C14orf132: variants seen among roughly 807,000 people sequenced by gnomAD.
C14orf132 encodes the protein uncharacterized protein C14orf132.
A neutral mutation model predicts 5.8 loss-of-function variants in C14orf132; 6 were observed. That is an observed-to-expected ratio of 1.03 (90% CI 0.57 to 2.04). The LOEUF is 2.04. C14orf132 is among the 30% of genes most tolerant of loss of function. The pLI is 0.00. For missense variants in C14orf132, 125 were observed against 115.8 expected (o/e 1.08, Z -0.37); for synonymous variants, 51 against 49.8 (o/e 1.02, Z -0.10).
In C14orf132 at chr14:96,076,698, A is replaced by G. The variant is rs1595187836; in HGVS notation, c.28-9813A>G. ...TGGGCCACATTCTGTCCTGGGATGC[A>G]TGCAGCCCGTGGGTTGTGGGTTGGA... On this transcript the variant is annotated intron_variant, in intron 1 of 1. Coordinates refer to ENST00000555004, the MANE Select transcript of C14orf132 (RefSeq NM_001252507.3). 2.0e-5 allele frequency among the ~76,000 whole-genome samples: 3 copies of G among 152,356 alleles called. No homozygotes were observed. The South Asian group carries it at 6.2e-4, about 32-fold the overall frequency.
intron 1 of C14orf132, among the ~76,000 whole-genome samples, chr14:96,045,447 G>T (rs1263044505): frequency 6.6e-6 from 1 of 152,202 alleles, no homozygotes; most frequent in Admixed American, 6.5e-5. Context: ...GGGTCAGGTG[G>T]TGAGGGGGTG....
At chr14:96,062,502 G>T (rs909693633) in intron 1 of C14orf132, among the ~76,000 whole-genome samples, 1 of 152,168 alleles carries the variant, frequency 6.6e-6, no homozygotes, top group African/African-American at 2.4e-5. Flanking sequence ...CTGACATGGA[G>T]ATTGCAGCCC....
At chr14:96,043,132 T>C (rs566984426) in intron 1 of C14orf132, among the ~76,000 whole-genome samples, 1 of 152,162 alleles carries the variant, frequency 6.6e-6, no homozygotes, top group South Asian at 2.1e-4. Context: ...TCTGGGACTG[T>C]CCTTGGTGAA....
chr14:96,085,059 AG>A (rs1371597433), intron 1 of C14orf132, among the ~76,000 whole-genome samples: 1 of 152,226 alleles, frequency 6.6e-6, no homozygotes, highest in African/African-American at 2.4e-5. Context: ...GCTCACAGTC[AG>A]ACACTCGTGG....
At chr14:96,084,842 G>A (rs981956085) in intron 1 of C14orf132, among the ~76,000 whole-genome samples, 4 of 152,128 alleles carry the variant, frequency 2.6e-5, no homozygotes, top group Admixed American at 1.3e-4. Context: ...GGTGCCGAGT[G>A]CCTCCTGGCA....
At chr14:96,053,280 G>C (rs147158017) in intron 1 of C14orf132, among the ~76,000 whole-genome samples, 62 of 152,308 alleles carry the variant, frequency 4.1e-4, no homozygotes, top group Non-Finnish European at 8.1e-4. Flanking sequence ...GCCAGACACC[G>C]TTCTAGGCAC....
chr14:96,079,697 G>A (rs755580424), intron 1 of C14orf132, among the ~76,000 whole-genome samples: 4 of 151,998 alleles, frequency 2.6e-5, no homozygotes, highest in Non-Finnish European at 4.4e-5. Flanking sequence ...ATTTAGTGAT[G>A]AGAGAAATTA....
Position 96,093,706 on chromosome 14 carries a change from C to A in C14orf132, c.*6971C>A, listed in dbSNP as rs1246510652. 1 of 152,226 alleles carries A rather than the reference C, an allele frequency of 6.6e-6. No homozygotes were observed. Among genetic ancestry groups the A allele is most frequent in the African/African-American group, 2.4e-5 (1 of 41,452 alleles). The allele number at this position is 152,226 out of a possible 1,614,324, so 9.4% of individuals were successfully genotyped here. ...TACCCAAGCACCTGGTTTCACCATGCGATCACTGACTTCTCTACAGTGAAG... is the reference window on the plus strand; with the variant it reads ...TACCCAAGCACCTGGTTTCACCATGAGATCACTGACTTCTCTACAGTGAAG... On this transcript the variant is annotated 3_prime_UTR_variant, in exon 2 of 2. Coordinates refer to ENST00000555004, the MANE Select transcript of C14orf132 (RefSeq NM_001252507.3).
chr14:96,082,672 C>T (rs1346019967), intron 1 of C14orf132, among the ~76,000 whole-genome samples: 1 of 152,142 alleles, frequency 6.6e-6, no homozygotes, highest in Non-Finnish European at 1.5e-5. Flanking sequence ...TTATCGATCA[C>T]ACAAAAAGCA....
intron 1 of C14orf132, chr14:96,040,232 T>G (rs1007242328): frequency 1.0e-5 from 4 of 385,802 alleles, no homozygotes; most frequent in Admixed American, 9.1e-5. Flanking sequence ...GTTCTGAGCT[T>G]GGGTGATGAT....
At chr14:96,040,260 ACT>A in intron 1 of C14orf132, 1 of 397,062 alleles carries the variant, frequency 2.5e-6, no homozygotes, top group East Asian at 3.6e-5. Context: ...CTGTGCCTTA[ACT>A]CTCTTGAGCC....
At chr14:96,041,940 G>A (rs1886704291) in intron 1 of C14orf132, among the ~76,000 whole-genome samples, 1 of 152,368 alleles carries the variant, frequency 6.6e-6, no homozygotes, top group Admixed American at 6.5e-5. Context: ...AAAGGGCTGG[G>A]CTGGGTTGAA....
intron 1 of C14orf132, among the ~76,000 whole-genome samples, chr14:96,054,677 T>A (rs1236406028): frequency 3.9e-5 from 6 of 152,192 alleles, no homozygotes; most frequent in Admixed American, 2.0e-4. Flanking sequence ...CCCCTCCGCA[T>A]CATCCCTTTT....
At chr14:96,076,768 C>T (rs1887879850) in intron 1 of C14orf132, among the ~76,000 whole-genome samples, 1 of 152,218 alleles carries the variant, frequency 6.6e-6, no homozygotes, top group Non-Finnish European at 1.5e-5. Context: ...CTTCTTTTCT[C>T]ATATAAACAA....
At chr14:96,040,394 T>C in intron 1 of C14orf132, 1 of 397,702 alleles carries the variant, frequency 2.5e-6, no homozygotes, top group African/African-American at 2.1e-5. Flanking sequence ...CAAAGCCACA[T>C]CTTGCACCTT....
chr14:96,061,525 A>G (rs770851290), intron 1 of C14orf132, among the ~76,000 whole-genome samples: 2 of 152,204 alleles, frequency 1.3e-5, no homozygotes, highest in African/African-American at 4.8e-5. Flanking sequence ...AGTGGCAGAT[A>G]TGATTCACTG....
At chr14:96,068,807 C>G (rs1279100438) in intron 1 of C14orf132, among the ~76,000 whole-genome samples, 2 of 152,102 alleles carry the variant, frequency 1.3e-5, no homozygotes, top group African/African-American at 4.8e-5. Flanking sequence ...CTTGGCTGCA[C>G]CCTGGGATGC....
intron 1 of C14orf132, chr14:96,051,298 G>A (rs140496930): frequency 2.5e-6 from 1 of 398,402 alleles, no homozygotes; most frequent in Non-Finnish European, 4.4e-6. Flanking sequence ...TGCAGACCAG[G>A]ACCCAGAGTT....
At chr14:96,040,398 G>A (rs913747602) in intron 1 of C14orf132, 1 of 397,872 alleles carries the variant, frequency 2.5e-6, no homozygotes, top group African/African-American at 2.1e-5. Context: ...GCCACATCTT[G>A]CACCTTCTCT....
Sources: gnomAD v4.1 joint callset for allele counts (sites outside exome capture counted in the v4.1 genomes callset) on GRCh38, gnomAD v4.1.1 for gene constraint, MANE v1.5 for transcripts, NCBI Gene and HGNC (gene_info 2026-07-23, HGNC 2026-07-21) for gene names.